FMN2: variants seen among roughly 807,000 people sequenced by gnomAD.
FMN2 encodes formin 2.
A neutral mutation model predicts 142.3 loss-of-function variants in FMN2; 51 were observed. That is an observed-to-expected ratio of 0.36 (90% CI 0.29 to 0.45). The LOEUF is 0.45. Ranked by LOEUF, FMN2 falls within the 20% of genes least tolerant of loss-of-function variation. FMN2 has a pLI of 1.00. For synonymous variants in FMN2, 882 were observed against 869.8 expected (o/e 1.01, Z -0.25); for missense variants, 1,936 against 2,122.8 (o/e 0.91, Z 1.73).
chr1:240,170,055 C>T, intron 2 of FMN2: 1 of 580,114 alleles, frequency 1.7e-6, no homozygotes, highest in South Asian at 2.2e-5. Context: ...TCTGTCTCTA[C>T]TCACAGATAA....
chr1:240,369,537 T>C (rs781075519), intron 14 of FMN2, among the ~76,000 whole-genome samples: 18 of 152,344 alleles, frequency 1.2e-4, no homozygotes, highest in Non-Finnish European at 2.1e-4. Flanking sequence ...GAAAAGTTGC[T>C]TTGGTGTGAA....
chr1:240,207,824 C>A lies in FMN2; in HGVS notation c.3012C>A (p.Pro1004=). 1.9e-6 allele frequency: 1 copy of A among 526,272 alleles called. No individual in the cohort carries two copies. Among genetic ancestry groups the A allele is most frequent in the South Asian group, 2.1e-5 (1 of 48,738 alleles). The allele number at this position is 526,272 out of a possible 1,614,324, so 32.6% of individuals were successfully genotyped here. A position where few individuals can be genotyped will look rare whatever the true frequency, so the allele number is the denominator to read the frequency against. Residue 1004 remains proline, a synonymous_variant, in exon 5 of 18, where the codon CCC becomes CCA. Transcript: ENST00000319653. The stretch of plus-strand genomic sequence containing the variant: ...GCATACCCCCTCCGCCCCCACTTCC[C>A]GGAGCGGGCATACCCCCTCCTCCCC... ...GAGIPPPPPL[P]GAGIPPPPPL...
chr1:240,199,493 T>C (rs1558354937), intron 4 of FMN2, among the ~76,000 whole-genome samples: 1 of 152,240 alleles, frequency 6.6e-6, no homozygotes, highest in Non-Finnish European at 1.5e-5. Flanking sequence ...TTTCTTTTTC[T>C]GGGAATCAGA....
intron 15 of FMN2, among the ~76,000 whole-genome samples, chr1:240,423,706 G>T (rs969114274): frequency 6.6e-6 from 1 of 152,340 alleles, no homozygotes; most frequent in African/African-American, 2.4e-5. Context: ...GATTGGGCCA[G>T]AACTGAATTG....
At chr1:240,248,438 T>C (rs988950489) in intron 6 of FMN2, among the ~76,000 whole-genome samples, 1 of 16,562 alleles carries the variant, frequency 6.0e-5, no homozygotes, top group Non-Finnish European at 9.6e-5. Flanking sequence ...ATTGGATATA[T>C]ATATATATAT....
At chr1:240,283,479 G>A (rs775596060) in intron 7 of FMN2, among the ~76,000 whole-genome samples, 2 of 152,186 alleles carry the variant, frequency 1.3e-5, no homozygotes, top group East Asian at 1.9e-4. Context: ...ATGTGTGAGT[G>A]GTGGCATCCT....
intron 14 of FMN2, among the ~76,000 whole-genome samples, chr1:240,381,731 A>G (rs1480095522): frequency 1.3e-5 from 2 of 152,210 alleles, no homozygotes; most frequent in African/African-American, 4.8e-5. Flanking sequence ...TGCCTGGCCA[A>G]TCATCTTAAC....
At position 240,143,932 on chromosome 1, in the gene FMN2, G is replaced by A. The variant is rs917204918; in HGVS notation, c.1782+20587G>A. ...CAGCGTAGGCCAAGCCTAGCCCAAA[G>A]ATGGAACCAAGTCTCATGGTGTTGC... On this transcript the variant is annotated intron_variant, in intron 2 of 17. Transcript: ENST00000319653. 4.0e-6 allele frequency: 6 copies of A among 1,504,050 alleles called. No individual in the cohort carries two copies. In the African/African-American group the frequency reaches 8.3e-5, roughly 21 times the overall value. 93.2% of individuals were successfully genotyped at this position (1,504,050 alleles called of 1,614,324 possible).
intron 8 of FMN2, among the ~76,000 whole-genome samples, chr1:240,311,768 A>G (rs1379546131): frequency 1.3e-5 from 2 of 152,168 alleles, no homozygotes; most frequent in East Asian, 1.9e-4. Context: ...ACACAGCTGC[A>G]TTGGAAATAT....
intron 15 of FMN2, among the ~76,000 whole-genome samples, chr1:240,431,877 G>GT (rs757768209): frequency 0.036 from 5,155 of 141,800 alleles, 250 homozygotes; most frequent in African/African-American, 0.12. Flanking sequence ...TTTTATTAAG[G>GT]TTTTTTTTTT....
At chr1:240,272,401 G>A (rs2102922380) in intron 7 of FMN2, among the ~76,000 whole-genome samples, 1 of 152,306 alleles carries the variant, frequency 6.6e-6, no homozygotes, top group East Asian at 1.9e-4. Context: ...TAATCCTTGA[G>A]AGGGGTCGGA....
In FMN2 at chr1:240,207,291, T is replaced by A; in HGVS notation, c.2479T>A (p.Ser827Thr). Residue 827 changes from serine (S) to threonine (T), a missense_variant, in exon 5 of 18, where the codon TCA becomes ACA. This residue lies in a region of FMN2 where 478 missense variants were observed against 462.8 expected (regional missense o/e 1.03). Transcript: ENST00000319653. ...LWSAGQGQPG[S>T]QPPHSISTEF... is the part of the protein sequence containing the mutation. ...GTCTGCTGGGCAAGGACAGCCTGGGTCACAGCCGCCCCATTCTATTTCTAC... is the reference window on the plus strand; with the variant it reads ...GTCTGCTGGGCAAGGACAGCCTGGGACACAGCCGCCCCATTCTATTTCTAC... The A allele has an allele frequency of 6.2e-7, 1 of 1,613,902 alleles. No individual in the cohort carries two copies. The highest frequency in any genetic ancestry group is 8.5e-7 in the Non-Finnish European group (1 of 1,179,912).
At position 240,346,882 on chromosome 1, in the gene FMN2, A is replaced by G. The variant is rs73126238; in HGVS notation, c.4766-8934A>G. Among the ~76,000 whole-genome samples the G allele has an allele frequency of 1.4e-3, 209 of 152,320 alleles. 2 individuals carry two copies. The highest frequency in any genetic ancestry group is 4.4e-3 in the African/African-American group (184 of 41,576). On this transcript the variant is annotated intron_variant, in intron 13 of 17. Transcript: ENST00000319653. Reference sequence around the variant, plus strand: ...ACATAAGAAATTTAAAGAACAAACTATGTTTAAGACTTTATATATTTGCGC... The same window carrying G: ...ACATAAGAAATTTAAAGAACAAACTGTGTTTAAGACTTTATATATTTGCGC...
In FMN2 at chr1:240,203,390, C is replaced by CA. The variant is rs573212123; in HGVS notation, c.1987-3406dup. ...TTCATTGCAGCACTAGTCATAATAG[C>CA]AAAGACGTGGAGTCAACCCAGTTGC... On this transcript the variant is annotated intron_variant, in intron 4 of 17. Transcript: ENST00000319653. Among the ~76,000 whole-genome samples, 11 of 152,240 alleles carry CA rather than the reference C, an allele frequency of 7.2e-5. No homozygotes were observed. The South Asian group carries it at 2.1e-3, about 29-fold the overall frequency.
At chr1:240,158,255 C>T (rs192118523) in intron 2 of FMN2, among the ~76,000 whole-genome samples, 1 of 152,188 alleles carries the variant, frequency 6.6e-6, no homozygotes, top group South Asian at 2.1e-4. Context: ...GTTTTCAAGG[C>T]CTCAGAGCAT....
At chr1:240,326,729 G>A (rs533483557) in intron 8 of FMN2, among the ~76,000 whole-genome samples, 2 of 150,850 alleles carry the variant, frequency 1.3e-5, no homozygotes, top group Admixed American at 1.3e-4. Context: ...TTTTTTATAT[G>A]AGGTTTTGGG....
intron 16 of FMN2, among the ~76,000 whole-genome samples, chr1:240,455,345 C>T (rs918470195): frequency 2.6e-5 from 4 of 152,088 alleles, no homozygotes; most frequent in African/African-American, 9.7e-5. Context: ...AGATCCCCAT[C>T]TCTACAAAAA....
chr1:240,204,784 T>TG (rs1666263473), intron 4 of FMN2, among the ~76,000 whole-genome samples: 1 of 151,810 alleles, frequency 6.6e-6, no homozygotes, highest in African/African-American at 2.4e-5. Flanking sequence ...TTCATAGAGA[T>TG]GGGGGGAAAA....
At chr1:240,461,943 G>A (rs746074752) in intron 16 of FMN2, among the ~76,000 whole-genome samples, 6 of 152,118 alleles carry the variant, frequency 3.9e-5, no homozygotes, top group Non-Finnish European at 5.9e-5. Flanking sequence ...CTGGGTATCT[G>A]TGAATGCCAG....
Sources: allele counts gnomAD v4.1 joint callset (sites outside exome capture counted in the v4.1 genomes callset), GRCh38; gene constraint gnomAD v4.1.1; regional missense constraint gnomAD v4.1.1; transcripts MANE v1.5; gene names NCBI Gene and HGNC (gene_info 2026-07-23, HGNC 2026-07-21).